Variants in ZNF595 observed in about 807,000 individuals in gnomAD.
The protein encoded by ZNF595 is zinc finger protein 595.
In ZNF595, 9 loss-of-function variants were observed where a neutral mutation model predicts 19.4. That is an observed-to-expected ratio of 0.46 (90% CI 0.28 to 0.81). The LOEUF is 0.81. Ranked by LOEUF, ZNF595 falls within the 30% of genes least tolerant of loss-of-function variation. The pLI is 0.11. For missense variants in ZNF595, 729 were observed against 736.0 expected (o/e 0.99, Z 0.11); for synonymous variants, 255 against 255.9 (o/e 1.00, Z 0.03).
chr4:79,127 A>G (rs980094069), intron 3 of ZNF595, among the ~76,000 whole-genome samples: 2 of 152,072 alleles, frequency 1.3e-5, no homozygotes, highest in Non-Finnish European at 2.9e-5. Context: ...TTTTCTCTTC[A>G]GCTCCTGAAG....
intron 1 of ZNF595, among the ~76,000 whole-genome samples, chr4:54,082 G>T (rs1291198162): frequency 5.3e-4 from 12 of 22,494 alleles, no homozygotes; most frequent in African/African-American, 1.7e-3. Flanking sequence ...GTGTCGGTGC[G>T]CACGGCGCTT....
In ZNF595 at chr4:85,903, T is replaced by G. The variant is rs1714120303; in HGVS notation, c.399T>G (p.Val133=). The change falls in exon 4 of 4, where the codon GTT becomes GTG. Residue 133 remains valine (V), a synonymous_variant. Coordinates refer to ENST00000610261, the MANE Select transcript of ZNF595 (RefSeq NM_182524.4). The stretch of plus-strand genomic sequence containing the variant: ...TGCAGAAAGGAGTTAATAATGGAGT[T>G]TACCAGTGCTTGTCAACTACCCAGA... ...CKVQKGVNNG[V]YQCLSTTQSK... 2 of 1,613,904 alleles carry G rather than the reference T, an allele frequency of 1.2e-6. No homozygotes were observed. Among genetic ancestry groups the G allele is most frequent in the South Asian group, 2.2e-5 (2 of 91,078 alleles).
At chr4:79,964 A>T (rs1433402799) in intron 3 of ZNF595, among the ~76,000 whole-genome samples, 2 of 152,122 alleles carry the variant, frequency 1.3e-5, no homozygotes, top group Non-Finnish European at 2.9e-5. Context: ...GCTGCTAGAC[A>T]TCTTTATTTT....
chr4:62,034 A>G (rs1357201865), intron 3 of ZNF595, among the ~76,000 whole-genome samples: 4 of 129,494 alleles, frequency 3.1e-5, no homozygotes, highest in African/African-American at 1.2e-4. Context: ...AGAACACTTG[A>G]GGTCTACTGT....
chr4:70,341 C>CTT (rs111892917), intron 3 of ZNF595, among the ~76,000 whole-genome samples: 39 of 143,936 alleles, frequency 2.7e-4, no homozygotes, highest in African/African-American at 9.1e-4. Context: ...GATAAATATC[C>CTT]TTTTTTTTTT....
chr4:66,774 T>A (rs1282058596), intron 3 of ZNF595, among the ~76,000 whole-genome samples: 889 of 151,916 alleles, frequency 5.9e-3, no homozygotes, highest in African/African-American at 0.019. Context: ...TGTTTTTGAG[T>A]TCTGTGTTCT....
At chr4:64,217 TTTTG>T (rs1581327771) in intron 3 of ZNF595, among the ~76,000 whole-genome samples, 10 of 146,838 alleles carry the variant, frequency 6.8e-5, no homozygotes, top group African/African-American at 2.3e-4. Flanking sequence ...TGTGGGGTTT[TTTTG>T]TTTGTTTGAG....
At chr4:81,792 T>A (rs1415032496) in intron 3 of ZNF595, among the ~76,000 whole-genome samples, 1 of 152,202 alleles carries the variant, frequency 6.6e-6, no homozygotes, top group Non-Finnish European at 1.5e-5. Flanking sequence ...ACAGTTTCTC[T>A]TCATGGTTGA....
chr4:87,072 T>A lies in ZNF595; in HGVS notation c.1568T>A (p.Leu523His). The A allele has an allele frequency of 6.2e-7, 1 of 1,613,850 alleles. No individual in the cohort carries two copies. The highest frequency in any genetic ancestry group is 1.6e-4 in the Middle Eastern group (1 of 6,062). ...AAAGCTTTTAACCAATCCTCAGGCC[T>A]TATTATACACAGGAGCATTCATTCT... ...CGKAFNQSSG[L>H]IIHRSIHSEQ... is the part of the protein sequence containing the mutation. The change falls in exon 4 of 4, where the codon CTT becomes CAT. Residue 523 changes from leucine to histidine, a missense_variant. By Grantham distance (99) the Leu-to-His change is moderately conservative. Transcript: ENST00000610261.
intron 3 of ZNF595, among the ~76,000 whole-genome samples, chr4:81,288 G>A (rs1713897597): frequency 6.6e-6 from 1 of 152,156 alleles, no homozygotes; most frequent in Non-Finnish European, 1.5e-5. Flanking sequence ...GGTCAGTGAT[G>A]TGTATTTCCA....
intron 3 of ZNF595, among the ~76,000 whole-genome samples, chr4:79,157 T>C (rs1298965700): frequency 2.0e-5 from 3 of 152,238 alleles, no homozygotes; most frequent in Admixed American, 1.3e-4. Context: ...TTACTTACTC[T>C]TTCTATAATT....
intron 1 of ZNF595, among the ~76,000 whole-genome samples, chr4:57,952 G>A (rs1581315368): frequency 7.9e-5 from 12 of 151,600 alleles, no homozygotes; most frequent in African/African-American, 2.4e-4. Flanking sequence ...AATTTCTTTT[G>A]GGCAGGCTTA....
Position 75,782 on chromosome 4 carries a change from C to G in ZNF595, c.227-9949C>G, listed in dbSNP as rs143361167. Among the ~76,000 whole-genome samples the G allele has an allele frequency of 1.1e-3, 163 of 145,956 alleles. 1 individual carries two copies. In the East Asian group the frequency reaches 0.023, roughly 21 times the overall value. On this transcript the variant is annotated intron_variant, in intron 3 of 3. Transcript: ENST00000610261. ...TTCATTCTTTTTCTTTTGTATGTAT[C>G]TACTACAGATTTTTGGGGGGTTTTT...
chr4:72,498 G>T (rs574613516), intron 3 of ZNF595, among the ~76,000 whole-genome samples: 1 of 152,270 alleles, frequency 6.6e-6, no homozygotes, highest in African/African-American at 2.4e-5. Flanking sequence ...GCATGGTGGA[G>T]AATTTGCAAT....
intron 3 of ZNF595, among the ~76,000 whole-genome samples, chr4:68,768 A>C (rs1365293426): frequency 6.6e-6 from 1 of 152,236 alleles, no homozygotes; most frequent in African/African-American, 2.4e-5. Context: ...ACAATCTAAT[A>C]ACATTCTTTT....
rs781826469 is a variant in ZNF595 at position 87,166 on chromosome 4, TAAG to T, written c.1665_1667del (p.Lys556del). 4 of 1,613,782 alleles carry T rather than the reference TAAG, an allele frequency of 2.5e-6. No individual in the cohort carries two copies. Among genetic ancestry groups the T allele is most frequent in the Non-Finnish European group, 3.4e-6 (4 of 1,179,874 alleles). On this transcript the variant is annotated inframe_deletion, in exon 4 of 4. Coordinates refer to ENST00000610261, the MANE Select transcript of ZNF595 (RefSeq NM_182524.4). ...CTCGGTCCACAGCCCTGAATGAACATAAGAAAATTCATTCTGGAGAGAAACCCT... is the reference window on the plus strand; with the variant it reads ...CTCGGTCCACAGCCCTGAATGAACATAAAATTCATTCTGGAGAGAAACCCT...
At chr4:82,371 GGTTTTTTTTTTT>G (rs1459434514) in intron 3 of ZNF595, among the ~76,000 whole-genome samples, 1 of 97,714 alleles carries the variant, frequency 1.0e-5, no homozygotes, top group Non-Finnish European at 2.1e-5. Context: ...TTTGGTTTGT[GGTTTTTTTTTTT>G]TTTTTTTTTT....
Position 70,064 on chromosome 4 carries a change from G to A in ZNF595, c.226+9911G>A, listed in dbSNP as rs79169027. Among the ~76,000 whole-genome samples, 482 of 152,192 alleles carry A rather than the reference G, an allele frequency of 3.2e-3. 5 individuals are homozygous for A. The highest frequency in any genetic ancestry group is 0.011 in the African/African-American group (438 of 41,502). On this transcript the variant is annotated intron_variant, in intron 3 of 3. Transcript: ENST00000610261. ...TGACCCTGACCAGCTAGTGAGACTC[G>A]CATTTATTTAGTAAAGACTAATTGA...
At chr4:66,505 A>G (rs1430054209) in intron 3 of ZNF595, among the ~76,000 whole-genome samples, 1 of 151,956 alleles carries the variant, frequency 6.6e-6, no homozygotes, top group African/African-American at 2.4e-5. Flanking sequence ...TTGATGTTAC[A>G]TGCAAGAAAA....
Sources: gnomAD v4.1 joint callset for allele counts (sites outside exome capture counted in the v4.1 genomes callset) on GRCh38, gnomAD v4.1.1 for gene constraint, MANE v1.5 for transcripts, NCBI Gene and HGNC (gene_info 2026-07-23, HGNC 2026-07-21) for gene names.